Variants in RRM1 observed in about 807,000 individuals in gnomAD.
RRM1 encodes ribonucleotide reductase catalytic subunit M1, also known as ribonucleoside-diphosphate reductase large subunit.
A neutral mutation model predicts 101.5 loss-of-function variants in RRM1; 19 were observed. The ratio of observed to expected loss-of-function variants is 0.19; its 90% CI spans 0.13 to 0.27. The LOEUF (loss-of-function observed/expected upper bound fraction) is 0.27, where lower values mean the gene tolerates loss of function less well. Ranked by LOEUF, RRM1 falls within the 10% of genes least tolerant of loss-of-function variation. RRM1 has a pLI of 1.00. For missense variants in RRM1, 500 were observed against 962.9 expected, an observed-to-expected ratio of 0.52 and a Z score of 6.36; for synonymous variants, 298 against 323.4, an observed-to-expected ratio of 0.92 and a Z score of 0.84.
chr11:4,095,060 G>A (rs1268809970), intron 1 of RRM1, 29 bp downstream of exon 1: 1 of 1,562,450 alleles, frequency 6.4e-7, no homozygotes, highest in Non-Finnish European at 8.7e-7. Context: ...GGGCGAGAAG[G>A]AAGGTGAGGG....
At chr11:4,118,183 C>A in intron 7 of RRM1, 137 bp from the exon 8 acceptor site, 1 of 858,776 alleles carries the variant, frequency 1.2e-6, no homozygotes. Context: ...GGGTTTTCTT[C>A]TTTGAAAATC....
chr11:4,105,040 A>G (rs2133289974), intron 2 of RRM1, among the ~76,000 whole-genome samples: 1 of 152,288 alleles, frequency 6.6e-6, no homozygotes, highest in South Asian at 2.1e-4. Flanking sequence ...ATATAGAATC[A>G]TTAGTATGTT....
rs528091475 is a variant in RRM1 at position 4,137,468 on chromosome 11, C to T, written c.2191-727C>T. Among the ~76,000 whole-genome samples, 17 of 137,924 alleles carry T rather than the reference C, an allele frequency of 1.2e-4. 1 individual carries two copies. Among genetic ancestry groups the T allele is most frequent in the African/African-American group, 4.1e-4 (15 of 36,342 alleles). 90.5% of individuals were successfully genotyped at this position (137,924 alleles called of 152,430 possible). ...GGGGCTCACACCCCCACCTCCCTCC[C>T]GGACGGGGCGGCTGGCCGGGCCGGG... is the stretch of plus-strand genomic sequence containing the variant. On this transcript the variant is annotated intron_variant, in intron 18 of 18. Transcript: ENST00000300738.
intron 1 of RRM1, among the ~76,000 whole-genome samples, chr11:4,095,322 A>G (rs2094542138): frequency 6.6e-6 from 1 of 152,258 alleles, no homozygotes; most frequent in Non-Finnish European, 1.5e-5. Flanking sequence ...AGCACTTGCC[A>G]GGCACTATTT....
At chr11:4,103,850 A>C (rs1590712882) in intron 2 of RRM1, among the ~76,000 whole-genome samples, 3 of 126,892 alleles carry the variant, frequency 2.4e-5, no homozygotes, top group Admixed American at 9.3e-5. Flanking sequence ...GCTCGTCTTG[A>C]ACTCCTGACC....
chr11:4,115,010 GT>G (rs1421712927), intron 7 of RRM1, among the ~76,000 whole-genome samples: 2 of 152,104 alleles, frequency 1.3e-5, no homozygotes, highest in Non-Finnish European at 2.9e-5. Context: ...ACCATGCCCG[GT>G]TTTTTAAGTT....
At chr11:4,133,386 G>A (rs1351076086) in intron 16 of RRM1, among the ~76,000 whole-genome samples, 177 bp from the exon 17 acceptor site, 2 of 152,160 alleles carry the variant, frequency 1.3e-5, no homozygotes, top group Non-Finnish European at 2.9e-5. Context: ...AGATCTTAAA[G>A]GAATATAGCT....
In RRM1 at chr11:4,105,715, A is replaced by AT. The variant is rs1203908686; in HGVS notation, c.109-323dup. The AT allele has an allele frequency of 3.5e-5, 13 of 376,086 alleles. No homozygotes were observed. In the East Asian group the frequency reaches 6.0e-4, roughly 17 times the overall value. 23.3% of individuals were successfully genotyped at this position (376,086 alleles called of 1,614,324 possible). A position where few individuals can be genotyped will look rare whatever the true frequency, so the allele number is the denominator to read the frequency against. On this transcript the variant is annotated intron_variant, in intron 2 of 18. Coordinates refer to ENST00000300738, the MANE Select transcript of RRM1 (RefSeq NM_001033.5). ...AGGTGTGTACCACCACACCCAGCTA[A>AT]TTTTTTTTATTATCTGTGGAGATTG...
chr11:4,095,128 T>G lies in RRM1; in HGVS notation c.19+97T>G. 1.4e-5 allele frequency: 19 copies of G among 1,381,496 alleles called. 1 individual carries two copies. In the South Asian group the frequency reaches 2.3e-4, roughly 16 times the overall value. 85.6% of individuals were successfully genotyped at this position (1,381,496 alleles called of 1,614,324 possible). A position where few individuals can be genotyped will look rare whatever the true frequency, so the allele number is the denominator to read the frequency against. ...AGACCGCCCGCCCGCCTTCGCTGCTTCCCGCCTTTCCCGCATTTCCCGCCG... is the reference window on the plus strand; with the variant it reads ...AGACCGCCCGCCCGCCTTCGCTGCTGCCCGCCTTTCCCGCATTTCCCGCCG... On this transcript the variant is annotated intron_variant, in intron 1 of 18. Coordinates refer to ENST00000300738, the MANE Select transcript of RRM1 (RefSeq NM_001033.5).
intron 5 of RRM1, 39 bp from the exon 6 acceptor site, chr11:4,111,562 C>T (rs750119723): frequency 4.6e-6 from 7 of 1,525,460 alleles, no homozygotes; most frequent in African/African-American, 4.1e-5. Context: ...TCTTTAAAAA[C>T]GGTGCTCTGA....
chr11:4,109,276 A>G (rs146512143), intron 4 of RRM1, among the ~76,000 whole-genome samples: 3 of 151,912 alleles, frequency 2.0e-5, no homozygotes, highest in African/African-American at 7.2e-5. Flanking sequence ...GCCAATCTAA[A>G]AACATGTTTA....
Position 4,107,508 on chromosome 11 carries a change from A to G in RRM1, c.360A>G (p.Thr120=). 1.9e-6 allele frequency: 3 copies of G among 1,613,256 alleles called. No individual in the cohort carries two copies. The highest frequency in any genetic ancestry group is 2.5e-6 in the Non-Finnish European group (3 of 1,179,226). The change falls in exon 4 of 19, where the codon ACA becomes ACG. Residue 120 remains threonine (T), a synonymous_variant. Transcript: ENST00000300738. Reference sequence around the variant, plus strand: ...ACTCTCCCATGGTGGCCAAGTCAACATTGGATATTGTTCTGGCCAATAAAG... The same window carrying G: ...ACTCTCCCATGGTGGCCAAGTCAACGTTGGATATTGTTCTGGCCAATAAAG... The part of the protein sequence containing the change: ...GKHSPMVAKS[T]LDIVLANKDR...
chr11:4,116,973 A>G (rs2094574482), intron 7 of RRM1, among the ~76,000 whole-genome samples: 1 of 144,534 alleles, frequency 6.9e-6, no homozygotes, highest in Non-Finnish European at 1.5e-5. Context: ...TCTCAAAAAA[A>G]AAGAAAAGAA....
At chr11:4,097,113 C>T (rs1000065003) in intron 1 of RRM1, among the ~76,000 whole-genome samples, 2 of 151,482 alleles carry the variant, frequency 1.3e-5, no homozygotes, top group African/African-American at 2.4e-5. Context: ...GGTGGAACCC[C>T]GTCTCTACTA....
intron 18 of RRM1, among the ~76,000 whole-genome samples, chr11:4,135,788 A>G (rs942652596): frequency 5.9e-5 from 9 of 151,844 alleles, no homozygotes; most frequent in African/African-American, 2.2e-4. Flanking sequence ...AAGTCTGGTG[A>G]TTTTGGATTA....
At position 4,135,716 on chromosome 11, in the gene RRM1, C is replaced by A. The variant is rs76707745; in HGVS notation, c.2190+446C>A. On this transcript the variant is annotated intron_variant, in intron 18 of 18. Transcript: ENST00000300738. Reference sequence around the variant, plus strand: ...ACGTCAACCCGCTATTCAAAAACATCCATTGTTTTCTCACTTTATAAAGTG... The same window carrying A: ...ACGTCAACCCGCTATTCAAAAACATACATTGTTTTCTCACTTTATAAAGTG... Among the ~76,000 whole-genome samples the A allele has an allele frequency of 1.1e-4, 17 of 152,226 alleles. No individual in the cohort carries two copies. The East Asian group carries it at 2.7e-3, about 24-fold the overall frequency.
chr11:4,113,321 C>T (rs1489803991), intron 7 of RRM1, among the ~76,000 whole-genome samples: 1 of 152,028 alleles, frequency 6.6e-6, no homozygotes, highest in Non-Finnish European at 1.5e-5. Context: ...CTAGATGTAT[C>T]GTCTCTTTTT....
chr11:4,120,737 G>A (rs2094580473), intron 9 of RRM1, among the ~76,000 whole-genome samples: 1 of 152,194 alleles, frequency 6.6e-6, no homozygotes, highest in Non-Finnish European at 1.5e-5. Flanking sequence ...TGGATGCAGT[G>A]GCTCCTGCCA....
In RRM1 at chr11:4,111,659, T is replaced by C; in HGVS notation, c.487+19T>C. 6.3e-7 allele frequency: 1 copy of C among 1,582,754 alleles called. No individual in the cohort carries two copies. Among genetic ancestry groups the C allele is most frequent in the Non-Finnish European group, 8.7e-7 (1 of 1,155,020 alleles). On this transcript the variant is annotated intron_variant, in intron 6 of 18. Coordinates refer to ENST00000300738, the MANE Select transcript of RRM1 (RefSeq NM_001033.5). Reference sequence around the variant, plus strand: ...GGAAAAGGTGAGAAATGAACATGTTTGTCTGTTACATTTTCTACTCATTAT... The same window carrying C: ...GGAAAAGGTGAGAAATGAACATGTTCGTCTGTTACATTTTCTACTCATTAT...
Sources: gnomAD v4.1 joint callset for allele counts (sites outside exome capture counted in the v4.1 genomes callset) on GRCh38, gnomAD v4.1.1 for gene constraint, MANE v1.5 for transcripts, NCBI Gene and HGNC (gene_info 2026-07-23, HGNC 2026-07-21) for gene names.